The following MSRA variants were observed in gnomAD, a reference collection of about 807,000 sequenced individuals.
MSRA encodes mitochondrial peptide methionine sulfoxide reductase.
A neutral mutation model predicts 31.3 loss-of-function variants in MSRA; 54 were observed. The observed-to-expected ratio is 1.73, with a 90% CI of 1.39 to 2.17. The LOEUF is 2.17. Ranked by LOEUF, MSRA falls within the 30% of genes most tolerant of loss-of-function variation. MSRA has a pLI of 0.00. For synonymous variants in MSRA, 169 were observed against 116.5 expected (o/e 1.45, Z -2.90); for missense variants, 507 against 300.9 (o/e 1.69, Z -5.07).
chr8:10,259,754 C>G (rs530896002), intron 3 of MSRA, among the ~76,000 whole-genome samples: 2 of 152,306 alleles, frequency 1.3e-5, no homozygotes, highest in East Asian at 3.9e-4. Flanking sequence ...ATTCAGGGTG[C>G]TTTCCACCCT....
At position 10,203,386 on chromosome 8, in the gene MSRA, G is replaced by T. The variant is rs116413182; in HGVS notation, c.143-4447G>T. On this transcript the variant is annotated intron_variant, in intron 1 of 5. Transcript: ENST00000317173. ...TGATCATTTTATGTAAGGAACACAC[G>T]CATGTACACATAAAGATATGTAACA... Among the ~76,000 whole-genome samples the T allele has an allele frequency of 1.2e-4, 19 of 152,256 alleles. No individual in the cohort carries two copies. The South Asian group carries it at 3.9e-3, about 32-fold the overall frequency.
At chr8:10,414,530 G>T (rs1246854299) in intron 5 of MSRA, among the ~76,000 whole-genome samples, 3 of 152,192 alleles carry the variant, frequency 2.0e-5, no homozygotes, top group African/African-American at 7.2e-5. Flanking sequence ...TGGCCACTCT[G>T]TCAACCGTCT....
At chr8:10,337,220 C>T (rs1803106108) in intron 5 of MSRA, 1 of 152,640 alleles carries the variant, frequency 6.6e-6, no homozygotes, top group South Asian at 2.1e-4. Context: ...CACTCTGTCA[C>T]CCAGGCTGGA....
At chr8:10,091,838 C>G (rs60799208) in intron 1 of MSRA, among the ~76,000 whole-genome samples, 9,600 of 152,106 alleles carry the variant, frequency 0.063, 982 homozygotes, top group African/African-American at 0.22. Flanking sequence ...AACTCTTGTC[C>G]TCAGGCAATC....
rs150415487 is a variant in MSRA at position 10,368,859 on chromosome 8, C to G, written c.543+48870C>G. 6.5e-3 allele frequency among the ~76,000 whole-genome samples: 986 copies of G among 152,232 alleles called. 9 individuals are homozygous for G. The highest frequency in any genetic ancestry group is 0.022 in the African/African-American group (893 of 41,528). Reference sequence around the variant, plus strand: ...TGCCTGGGAGACGGGTCAGTAAATTCCAAAGGGCCTTTTGCTAATCTAACA... The same window carrying G: ...TGCCTGGGAGACGGGTCAGTAAATTGCAAAGGGCCTTTTGCTAATCTAACA... On this transcript the variant is annotated intron_variant, in intron 5 of 5. Coordinates refer to ENST00000317173, the MANE Select transcript of MSRA (RefSeq NM_012331.5).
intron 3 of MSRA, among the ~76,000 whole-genome samples, chr8:10,254,473 A>G (rs59539576): frequency 0.073 from 11,188 of 152,316 alleles, 548 homozygotes; most frequent in African/African-American, 0.14. Context: ...GGTTTAGAAG[A>G]GCAATTGAAA....
At chr8:10,212,949 A>G (rs1034629289) in intron 2 of MSRA, among the ~76,000 whole-genome samples, 18 of 152,282 alleles carry the variant, frequency 1.2e-4, no homozygotes, top group African/African-American at 4.3e-4. Context: ...GGCATGTGAG[A>G]TGTTTTGATA....
chr8:10,248,149 T>C (rs757403385), intron 3 of MSRA, among the ~76,000 whole-genome samples: 26 of 152,268 alleles, frequency 1.7e-4, no homozygotes, highest in Non-Finnish European at 2.5e-4. Context: ...CTGAGGTCCA[T>C]TGTGGGAGAA....
At chr8:10,141,603 C>T (rs1802711343) in intron 1 of MSRA, among the ~76,000 whole-genome samples, 1 of 152,210 alleles carries the variant, frequency 6.6e-6, no homozygotes, top group African/African-American at 2.4e-5. Context: ...CTGGCTTCTG[C>T]TGTGCACATA....
intron 2 of MSRA, among the ~76,000 whole-genome samples, chr8:10,218,250 G>A (rs1031534222): frequency 5.3e-5 from 8 of 151,870 alleles, no homozygotes; most frequent in Admixed American, 3.9e-4. Context: ...AGGTTCAAGC[G>A]ATTCTTTTCC....
chr8:10,287,930 T>G (rs1800025045), intron 3 of MSRA, among the ~76,000 whole-genome samples: 1 of 152,180 alleles, frequency 6.6e-6, no homozygotes, highest in Admixed American at 6.5e-5. Context: ...CTTGTTTCTC[T>G]GCCCTCCTAG....
chr8:10,218,173 G>C (rs1810169332), intron 2 of MSRA, among the ~76,000 whole-genome samples: 2 of 150,654 alleles, frequency 1.3e-5, no homozygotes, highest in South Asian at 4.2e-4. Flanking sequence ...TTGAGAAAGA[G>C]TCTCACTCTG....
chr8:10,147,043 CCAGGTA>C (rs978117417), intron 1 of MSRA, among the ~76,000 whole-genome samples: 17 of 152,238 alleles, frequency 1.1e-4, no homozygotes, highest in Admixed American at 3.3e-4. Flanking sequence ...GTGGCCCTTC[CCAGGTA>C]CAGATGAGTG....
intron 1 of MSRA, among the ~76,000 whole-genome samples, chr8:10,152,905 C>G (rs146932244): frequency 6.6e-6 from 1 of 152,294 alleles, no homozygotes; most frequent in Non-Finnish European, 1.5e-5. Context: ...CAGCCAGCCA[C>G]AAACAGACAC....
intron 5 of MSRA, among the ~76,000 whole-genome samples, chr8:10,356,047 G>A (rs1012486114): frequency 2.0e-5 from 3 of 152,170 alleles, no homozygotes; most frequent in African/African-American, 7.2e-5. Flanking sequence ...CTGTGCCATC[G>A]ACCTGAAGGC....
At chr8:10,239,536 C>T (rs545534258) in intron 2 of MSRA, among the ~76,000 whole-genome samples, 68 of 152,316 alleles carry the variant, frequency 4.5e-4, no homozygotes, top group African/African-American at 1.6e-3. Context: ...AAGGGTGTGG[C>T]ACAACAGAGA....
At chr8:10,259,105 GAAA>G (rs374191943) in intron 3 of MSRA, among the ~76,000 whole-genome samples, 5 of 135,038 alleles carry the variant, frequency 3.7e-5, no homozygotes, top group African/African-American at 1.4e-4. Context: ...TCTGTCAAAG[GAAA>G]AAAAAAAAAA....
intron 1 of MSRA, among the ~76,000 whole-genome samples, chr8:10,097,532 C>T (rs1313950593): frequency 6.6e-6 from 1 of 152,184 alleles, no homozygotes; most frequent in African/African-American, 2.4e-5. Context: ...AATTGAGCTT[C>T]ATTTTAATAC....
intron 4 of MSRA, among the ~76,000 whole-genome samples, chr8:10,308,408 G>A (rs1184925157): frequency 1.3e-5 from 2 of 152,132 alleles, no homozygotes; most frequent in Non-Finnish European, 2.9e-5. Flanking sequence ...GTGCGGACAG[G>A]CCTCATTTCT....
Sources: allele counts gnomAD v4.1 joint callset (sites outside exome capture counted in the v4.1 genomes callset), GRCh38; gene constraint gnomAD v4.1.1; transcripts MANE v1.5; gene names NCBI Gene and HGNC (gene_info 2026-07-23, HGNC 2026-07-21).